The following JARID2 variants were observed in gnomAD, a reference collection of about 807,000 sequenced individuals.
JARID2 encodes the protein jumonji and AT-rich interaction domain containing 2.
A neutral mutation model predicts 125.6 loss-of-function variants in JARID2; 21 were observed. The ratio of observed to expected loss-of-function variants is 0.17; its 90% CI spans 0.12 to 0.24. JARID2 has a LOEUF of 0.24. Ranked by LOEUF, JARID2 falls within the 10% of genes least tolerant of loss-of-function variation. The pLI is 1.00. For missense variants in JARID2, 1,303 were observed against 1,639.6 expected (o/e 0.79, Z 3.55); for synonymous variants, 736 against 661.6 (o/e 1.11, Z -1.73).
In JARID2 at chr6:15,468,637, A is replaced by G; in HGVS notation, c.589A>G (p.Thr197Ala). The change falls in exon 5 of 18, where the codon ACA (threonine) becomes GCA (alanine). Residue 197 changes from threonine (T) to alanine (A), a missense_variant. Coordinates refer to ENST00000341776, the MANE Select transcript of JARID2 (RefSeq NM_004973.4). ...EEDDETEDVKTATNNASSSCQ... is the reference protein window; with the variant it reads ...EEDDETEDVKAATNNASSSCQ... Reference sequence around the variant, plus strand: ...AGATGATGAGACAGAAGACGTCAAAACAGCCACCAACAATGCTTCATCTTC... The same window carrying G: ...AGATGATGAGACAGAAGACGTCAAAGCAGCCACCAACAATGCTTCATCTTC... The G allele has an allele frequency of 1.9e-6, 3 of 1,614,162 alleles. No individual in the cohort carries two copies. The highest frequency in any genetic ancestry group is 2.5e-6 in the Non-Finnish European group (3 of 1,180,012).
intron 3 of JARID2, among the ~76,000 whole-genome samples, chr6:15,447,520 G>T (rs1157938236): frequency 6.6e-6 from 1 of 152,174 alleles, no homozygotes; most frequent in Non-Finnish European, 1.5e-5. Context: ...GCTTGGGAGG[G>T]CACGTATTTT....
intron 2 of JARID2, among the ~76,000 whole-genome samples, chr6:15,385,525 ATTATT>A (rs1764752087): frequency 6.6e-6 from 1 of 150,534 alleles, no homozygotes; most frequent in Admixed American, 6.6e-5. Context: ...TTTTATAGAT[ATTATT>A]TTATAGATAT....
chr6:15,370,330 GTTTTTTTTTTTTT>G (rs33981169), intron 1 of JARID2, among the ~76,000 whole-genome samples: 2 of 114,272 alleles, frequency 1.8e-5, no homozygotes, highest in African/African-American at 6.6e-5. Flanking sequence ...TATCTGGGCT[GTTTTTTTTTTTTT>G]TTTTTTTTTA....
chr6:15,438,436 C>T (rs900278822), intron 3 of JARID2, among the ~76,000 whole-genome samples: 14 of 127,292 alleles, frequency 1.1e-4, no homozygotes, highest in African/African-American at 3.3e-4. Context: ...GGGAGATGTA[C>T]GTACGTAGCT....
chr6:15,262,880 G>T (rs540425346), intron 1 of JARID2, among the ~76,000 whole-genome samples: 1 of 152,156 alleles, frequency 6.6e-6, no homozygotes, highest in South Asian at 2.1e-4. Context: ...GGAGGTTTTT[G>T]TGTGGATTTG....
At chr6:15,366,543 C>G (rs1241743338) in intron 1 of JARID2, among the ~76,000 whole-genome samples, 1 of 146,848 alleles carries the variant, frequency 6.8e-6, no homozygotes, top group African/African-American at 2.5e-5. Context: ...GTGGGGTTGG[C>G]AACTCCAATT....
At chr6:15,372,455 G>A (rs1764206491) in intron 1 of JARID2, among the ~76,000 whole-genome samples, 1 of 152,012 alleles carries the variant, frequency 6.6e-6, no homozygotes, top group Non-Finnish European at 1.5e-5. Flanking sequence ...GCCTCCCCAG[G>A]TTCAAGTGAT....
chr6:15,431,402 G>A (rs1766960494), intron 3 of JARID2, among the ~76,000 whole-genome samples: 2 of 152,140 alleles, frequency 1.3e-5, no homozygotes, highest in African/African-American at 4.8e-5. Context: ...TTGGGTTTTG[G>A]GAATTGTTTG....
chr6:15,454,874 A>C (rs1768085978), intron 4 of JARID2, among the ~76,000 whole-genome samples: 1 of 152,156 alleles, frequency 6.6e-6, no homozygotes, highest in Non-Finnish European at 1.5e-5. Context: ...ATATGACAGA[A>C]TCTTGTGCTG....
chr6:15,495,907 G>A (rs1228467075), intron 6 of JARID2, among the ~76,000 whole-genome samples: 1 of 152,212 alleles, frequency 6.6e-6, no homozygotes, highest in Admixed American at 6.5e-5. Flanking sequence ...CTGTGACGAA[G>A]GATAGGTATA....
intron 3 of JARID2, among the ~76,000 whole-genome samples, chr6:15,423,130 G>T (rs1313509873): frequency 6.6e-6 from 1 of 151,936 alleles, no homozygotes; most frequent in African/African-American, 2.4e-5. Flanking sequence ...CTCCAAGTAG[G>T]TGGGACTACA....
At chr6:15,263,543 C>T (rs1049279635) in intron 1 of JARID2, among the ~76,000 whole-genome samples, 1 of 151,218 alleles carries the variant, frequency 6.6e-6, no homozygotes, top group East Asian at 1.9e-4. Flanking sequence ...TTATTTTCCC[C>T]AAGTTGGTGT....
chr6:15,458,244 G>A (rs1463642019), intron 4 of JARID2, among the ~76,000 whole-genome samples: 2 of 152,186 alleles, frequency 1.3e-5, no homozygotes, highest in Non-Finnish European at 2.9e-5. Flanking sequence ...GCAGAGCACT[G>A]GCAGGTTAAA....
At chr6:15,302,715 A>T (rs1327948876) in intron 1 of JARID2, among the ~76,000 whole-genome samples, 1 of 152,076 alleles carries the variant, frequency 6.6e-6, no homozygotes, top group African/African-American at 2.4e-5. Context: ...TTGTGATCAC[A>T]GGTTATTTGG....
At chr6:15,290,651 CGCTGTCACCCAG>C (rs1456724085) in intron 1 of JARID2, among the ~76,000 whole-genome samples, 3 of 152,098 alleles carry the variant, frequency 2.0e-5, no homozygotes, top group African/African-American at 7.2e-5. Context: ...CAGTGCCTTG[CGCTGTCACCCAG>C]GCTGGAGTGC....
chr6:15,295,613 A>G (rs1409899786), intron 1 of JARID2, among the ~76,000 whole-genome samples: 1 of 152,192 alleles, frequency 6.6e-6, no homozygotes, highest in Non-Finnish European at 1.5e-5. Flanking sequence ...GACCGGTTTC[A>G]GAAATACATG....
intron 6 of JARID2, among the ~76,000 whole-genome samples, chr6:15,492,467 G>A (rs1335027214): frequency 6.6e-6 from 1 of 152,136 alleles, no homozygotes; most frequent in Non-Finnish European, 1.5e-5. Flanking sequence ...GGAGACCTTC[G>A]GTAACAAGGT....
At chr6:15,363,140 G>C (rs770522644) in intron 1 of JARID2, among the ~76,000 whole-genome samples, 2 of 152,178 alleles carry the variant, frequency 1.3e-5, no homozygotes, top group Non-Finnish European at 2.9e-5. Context: ...AACCAGGGGA[G>C]AGTCCAGTTG....
Position 15,246,428 on chromosome 6 carries a change from C to A in JARID2, c.-112C>A. On this transcript the variant is annotated 5_prime_UTR_variant, in exon 1 of 18. Coordinates refer to ENST00000341776, the MANE Select transcript of JARID2 (RefSeq NM_004973.4). ...AGGAAGAAAAGTCGGATTACAAGATCAACCACCACCAACAACAATAAAAAC... is the reference window on the plus strand; with the variant it reads ...AGGAAGAAAAGTCGGATTACAAGATAAACCACCACCAACAACAATAAAAAC... 1.2e-6 allele frequency: 1 copy of A among 820,456 alleles called. No individual in the cohort carries two copies. The highest frequency in any genetic ancestry group is 2.0e-6 in the Non-Finnish European group (1 of 500,782). 50.8% of individuals were successfully genotyped at this position (820,456 alleles called of 1,614,324 possible). A position where few individuals can be genotyped will look rare whatever the true frequency, so the allele number is the denominator to read the frequency against.
Sources: gnomAD v4.1 joint callset for allele counts (sites outside exome capture counted in the v4.1 genomes callset) on GRCh38, gnomAD v4.1.1 for gene constraint, MANE v1.5 for transcripts, NCBI Gene and HGNC (gene_info 2026-07-23, HGNC 2026-07-21) for gene names.